Variants in RASEF observed in about 807,000 individuals in gnomAD.
RASEF encodes the protein ras and EF-hand domain-containing protein.
In RASEF, 68 loss-of-function variants were observed where a neutral mutation model predicts 90.1. The ratio of observed to expected loss-of-function variants is 0.75; its 90% confidence interval spans 0.62 to 0.92. RASEF has a LOEUF of 0.92. Among genes scored for constraint, RASEF ranks in the 40% least tolerant of loss-of-function variants. The pLI is 0.00. For missense variants in RASEF, 949 were observed against 937.2 expected (o/e 1.01, Z -0.16); for synonymous variants, 331 against 345.2 (o/e 0.96, Z 0.46).
the RASEF span, among the ~76,000 whole-genome samples, chr9:83,082,770 A>T: frequency 6.6e-6 from 1 of 152,208 alleles, no homozygotes; most frequent in South Asian, 2.1e-4. Flanking sequence ...AGTTTTTCTC[A>T]TATAAAAGTT....
chr9:83,110,983 G>C, the RASEF span, among the ~76,000 whole-genome samples: 13 of 152,280 alleles, frequency 8.5e-5, no homozygotes, highest in African/African-American at 3.1e-4. Context: ...AGAACTGTGA[G>C]AAACAACCAG....
chr9:83,196,226 G>A, the RASEF span, among the ~76,000 whole-genome samples: 1 of 152,082 alleles, frequency 6.6e-6, no homozygotes, highest in Non-Finnish European at 1.5e-5. Flanking sequence ...TAATGTCAGG[G>A]CTGCGAAAAC....
chr9:83,136,252 AAC>A, the RASEF span, among the ~76,000 whole-genome samples: 2 of 152,052 alleles, frequency 1.3e-5, no homozygotes, highest in African/African-American at 2.4e-5. Flanking sequence ...TTACTTAAGA[AAC>A]AGTCTTCACA....
Position 82,993,036 on chromosome 9 carries a change from G to T in RASEF, c.1921-11C>A. 6.9e-7 allele frequency: 1 copy of T among 1,438,964 alleles called. No homozygotes were observed. Among genetic ancestry groups the T allele is most frequent in the African/African-American group, 1.4e-5 (1 of 69,010 alleles). 89.1% of individuals were successfully genotyped at this position (1,438,964 alleles called of 1,614,324 possible). On this transcript the variant is annotated splice_polypyrimidine_tract_variant and intron_variant, in intron 14 of 16. Coordinates refer to ENST00000376447, the MANE Select transcript of RASEF (RefSeq NM_152573.4). ...CTCATGGGCTGCATCCTACCAGGAA[G>T]AAAAAAAAAATGGGGCACACATCAA...
intron 2 of RASEF, among the ~76,000 whole-genome samples, 179 bp downstream of exon 2, chr9:83,025,596 T>C (rs1829529176): frequency 6.6e-6 from 1 of 152,206 alleles, no homozygotes; most frequent in African/African-American, 2.4e-5. Flanking sequence ...GATCTACTGA[T>C]TGATTGGTAG....
chr9:83,112,014 A>G, the RASEF span, among the ~76,000 whole-genome samples: 2 of 152,020 alleles, frequency 1.3e-5, no homozygotes, highest in Non-Finnish European at 2.9e-5. Flanking sequence ...GAGTAGAGGC[A>G]AATAATCGAA....
At chr9:83,213,453 T>C in the RASEF span, among the ~76,000 whole-genome samples, 1 of 152,134 alleles carries the variant, frequency 6.6e-6, no homozygotes, top group South Asian at 2.1e-4. Context: ...CACTACATAT[T>C]CTAAAAGAAG....
chr9:83,170,424 C>A, the RASEF span, among the ~76,000 whole-genome samples: 1 of 151,690 alleles, frequency 6.6e-6, no homozygotes, highest in Non-Finnish European at 1.5e-5. Flanking sequence ...AAGTTAAATA[C>A]AAACTTCAGA....
chr9:83,086,039 CTTCAT>C, the RASEF span, among the ~76,000 whole-genome samples: 2 of 152,156 alleles, frequency 1.3e-5, no homozygotes, highest in Non-Finnish European at 2.9e-5. Context: ...CCTGTGTGTT[CTTCAT>C]TTCATTATTT....
chr9:83,144,899 G>T, the RASEF span, among the ~76,000 whole-genome samples: 1 of 152,112 alleles, frequency 6.6e-6, no homozygotes, highest in African/African-American at 2.4e-5. Context: ...ACTTTAATAA[G>T]CCAAATACTG....
chr9:82,979,735 C>T lies in RASEF; in HGVS notation c.*2942G>A, dbSNP rs370366708. 1 of 152,042 alleles carries T rather than the reference C, an allele frequency of 6.6e-6. No individual in the cohort carries two copies. The highest frequency in any genetic ancestry group is 1.5e-5 in the Non-Finnish European group (1 of 68,016). The allele number at this position is 152,042 out of a possible 1,614,324, so 9.4% of individuals were successfully genotyped here. On this transcript the variant is annotated 3_prime_UTR_variant, in exon 17 of 17. Transcript: ENST00000376447. Reference sequence around the variant, plus strand: ...AACAGTATAAACGAAATATGGCCCACACAATGAAAATGTAAACCATATAAA... The same window carrying T: ...AACAGTATAAACGAAATATGGCCCATACAATGAAAATGTAAACCATATAAA...
rs140659178 is a variant in RASEF, at chr9:83,001,122, C to T, written c.1211G>A (p.Arg404His). The T allele has an allele frequency of 1.0e-4, 168 of 1,610,688 alleles. No homozygotes were observed. In the African/African-American group the frequency reaches 1.6e-3, roughly 15 times the overall value. ...PQPLGYDRSS[R>H]SSYVDEDCDS... ...ACAGTCCTCATCCACATAGGAAGAGCGGGATGACCTGGTAATAAAGGGGAA... is the reference window on the plus strand; with the variant it reads ...ACAGTCCTCATCCACATAGGAAGAGTGGGATGACCTGGTAATAAAGGGGAA... The change falls in exon 10 of 17, where the codon CGC becomes CAC. Residue 404 changes from arginine to histidine, a missense_variant. Coordinates refer to ENST00000376447, the MANE Select transcript of RASEF (RefSeq NM_152573.4).
the RASEF span, among the ~76,000 whole-genome samples, chr9:83,100,518 A>T: frequency 1.3e-5 from 2 of 152,358 alleles, no homozygotes; most frequent in South Asian, 2.1e-4. Context: ...TATGTGAATC[A>T]ATATTCAGTT....
At chr9:83,080,855 A>T in the RASEF span, among the ~76,000 whole-genome samples, 1 of 152,172 alleles carries the variant, frequency 6.6e-6, no homozygotes, top group African/African-American at 2.4e-5. Flanking sequence ...AGTTTACTTC[A>T]ACTGAGTAAT....
chr9:83,116,665 C>G, the RASEF span, among the ~76,000 whole-genome samples: 11 of 152,078 alleles, frequency 7.2e-5, no homozygotes, highest in Non-Finnish European at 1.3e-4. Context: ...CCATCATGGC[C>G]CACACTTTAT....
intron 1 of RASEF, among the ~76,000 whole-genome samples, chr9:83,032,940 G>C (rs774684207): frequency 2.0e-5 from 3 of 152,076 alleles, no homozygotes; most frequent in Non-Finnish European, 2.9e-5. Context: ...CTGATCTCAG[G>C]ACATCTCTGG....
chr9:83,199,764 A>T, the RASEF span, among the ~76,000 whole-genome samples: 1 of 152,238 alleles, frequency 6.6e-6, no homozygotes, highest in African/African-American at 2.4e-5. Flanking sequence ...GACAGAGGCC[A>T]AGGACACAAA....
the RASEF span, among the ~76,000 whole-genome samples, chr9:83,092,695 T>G: frequency 6.6e-6 from 1 of 152,188 alleles, no homozygotes; most frequent in Non-Finnish European, 1.5e-5. Context: ...TTGCCACTGC[T>G]GGCTTGGGCA....
chr9:83,007,341 C>T, intron 7 of RASEF, 96 bp downstream of exon 7: 1 of 971,648 alleles, frequency 1.0e-6, no homozygotes. Context: ...ACCCAGTGTT[C>T]AGAACATGGC....
Sources: allele counts gnomAD v4.1 joint callset (sites outside exome capture counted in the v4.1 genomes callset), GRCh38; gene constraint gnomAD v4.1.1; transcripts MANE v1.5; gene names NCBI Gene and HGNC (gene_info 2026-07-23, HGNC 2026-07-21).